The following COL25A1 variants were observed in gnomAD, a reference collection of about 807,000 sequenced individuals.
COL25A1 encodes collagen type XXV alpha 1 chain, also known as collagen alpha-1(XXV) chain.
COL25A1 carries 103 observed loss-of-function variants against 128.4 expected under a neutral mutation model. The observed-to-expected ratio is 0.80, with a 90% CI of 0.68 to 0.94. The LOEUF is 0.94. Among genes scored for constraint, COL25A1 ranks in the 40% least tolerant of loss-of-function variants. COL25A1 has a pLI of 0.00. For synonymous variants in COL25A1, 279 were observed against 277.2 expected (o/e 1.01, Z -0.06); for missense variants, 745 against 840.0 (o/e 0.89, Z 1.40).
intron 3 of COL25A1, among the ~76,000 whole-genome samples, chr4:109,198,297 C>T (rs1776283782): frequency 7.2e-6 from 1 of 138,290 alleles, no homozygotes; most frequent in South Asian, 2.2e-4. Flanking sequence ...TATTCATTCA[C>T]ACACACACAC....
intron 3 of COL25A1, among the ~76,000 whole-genome samples, chr4:109,090,529 A>G (rs1263068841): frequency 1.3e-5 from 2 of 152,244 alleles, no homozygotes; most frequent in African/African-American, 4.8e-5. Context: ...TTTAGAACTT[A>G]CAGCAACTAG....
chr4:109,099,407 A>G (rs1222730582), intron 3 of COL25A1, among the ~76,000 whole-genome samples: 4 of 152,192 alleles, frequency 2.6e-5, no homozygotes, highest in African/African-American at 9.7e-5. Context: ...CTTTTCTGAT[A>G]TAAAAGAAAA....
chr4:109,004,446 A>C (rs1259250987), intron 6 of COL25A1, among the ~76,000 whole-genome samples: 1 of 151,878 alleles, frequency 6.6e-6, no homozygotes. Context: ...GCACTGTATA[A>C]TATAAATACT....
chr4:109,193,815 T>C (rs944931504), intron 3 of COL25A1, among the ~76,000 whole-genome samples: 3 of 152,024 alleles, frequency 2.0e-5, no homozygotes, highest in African/African-American at 4.8e-5. Flanking sequence ...TTCTACCAGG[T>C]TCTTACTCAG....
At chr4:108,834,957 G>A (rs1733610528) in intron 31 of COL25A1, among the ~76,000 whole-genome samples, 1 of 152,062 alleles carries the variant, frequency 6.6e-6, no homozygotes, top group South Asian at 2.1e-4. Flanking sequence ...TTGTTTTCTG[G>A]GTTGTTCCTA....
At chr4:108,859,510 G>A in intron 24 of COL25A1, 146 bp downstream of exon 24, 2 of 548,874 alleles carry the variant, frequency 3.6e-6, no homozygotes, top group South Asian at 3.0e-5. Flanking sequence ...AGAAGGGGAT[G>A]AGTTCTTGAG....
chr4:109,037,500 G>C (rs1759461387), intron 5 of COL25A1, among the ~76,000 whole-genome samples: 1 of 152,186 alleles, frequency 6.6e-6, no homozygotes, highest in African/African-American at 2.4e-5. Context: ...CAGCCCCTCT[G>C]CTGGGCAGCA....
intron 10 of COL25A1, among the ~76,000 whole-genome samples, chr4:108,939,089 TTC>T (rs1747780142): frequency 6.6e-6 from 1 of 152,240 alleles, no homozygotes; most frequent in African/African-American, 2.4e-5. Context: ...AAAAAGTAAT[TTC>T]TATCTTGAAT....
intron 5 of COL25A1, among the ~76,000 whole-genome samples, chr4:109,032,137 G>A (rs1303868654): frequency 2.0e-5 from 3 of 152,052 alleles, no homozygotes; most frequent in Non-Finnish European, 2.9e-5. Context: ...TGTGGAAACC[G>A]AGACCAGGAA....
At chr4:109,046,493 C>G (rs1760444917) in intron 5 of COL25A1, among the ~76,000 whole-genome samples, 2 of 152,190 alleles carry the variant, frequency 1.3e-5, no homozygotes. Context: ...CTTGAACACT[C>G]TACTCCAGCC....
chr4:109,144,847 T>G (rs1459198212), intron 3 of COL25A1, among the ~76,000 whole-genome samples: 1 of 152,154 alleles, frequency 6.6e-6, no homozygotes, highest in Admixed American at 6.5e-5. Context: ...TGTGAGACAT[T>G]TATTTGTAAA....
intron 3 of COL25A1, among the ~76,000 whole-genome samples, chr4:109,241,722 C>T (rs1477724934): frequency 6.6e-6 from 1 of 151,814 alleles, no homozygotes; most frequent in Non-Finnish European, 1.5e-5. Flanking sequence ...CCTTTTTGAG[C>T]TTACAGATGG....
rs55859792 is a variant in COL25A1, at chr4:108,889,041, C to T, written c.975+180G>A. On this transcript the variant is annotated intron_variant, in intron 18 of 37. Coordinates refer to ENST00000399132, the MANE Select transcript of COL25A1 (RefSeq NM_198721.4). ...CTTTTACATATATAAAGTTTGTTTG[C>T]ACATTGTGCTATGGTCATCATCAAG... 2.4e-3 allele frequency among the ~76,000 whole-genome samples: 370 copies of T among 152,274 alleles called. 1 individual carries two copies. Among genetic ancestry groups the T allele is most frequent in the Non-Finnish European group, 3.7e-3 (253 of 68,018 alleles).
chr4:109,236,333 T>G (rs547360494), intron 3 of COL25A1, among the ~76,000 whole-genome samples: 1 of 152,224 alleles, frequency 6.6e-6, no homozygotes, highest in Non-Finnish European at 1.5e-5. Flanking sequence ...AAACCAAGAT[T>G]TGTTTCCTCT....
At chr4:108,911,801 TG>T (rs1744254283) in intron 13 of COL25A1, among the ~76,000 whole-genome samples, 1 of 140,686 alleles carries the variant, frequency 7.1e-6, no homozygotes, top group Admixed American at 7.1e-5. Context: ...TTTGCTTCGC[TG>T]TTTTTTTTTT....
In COL25A1 at chr4:109,098,345, A is replaced by G. The variant is rs553537978; in HGVS notation, c.368-48166T>C. Reference sequence around the variant, plus strand: ...TTAGAGGTGTTCTGAAATATAGGAAACTGGGAACCCAAGAATCCTCACCTC... The same window carrying G: ...TTAGAGGTGTTCTGAAATATAGGAAGCTGGGAACCCAAGAATCCTCACCTC... On this transcript the variant is annotated intron_variant, in intron 3 of 37. Coordinates refer to ENST00000399132, the MANE Select transcript of COL25A1 (RefSeq NM_198721.4). 2.6e-5 allele frequency among the ~76,000 whole-genome samples: 4 copies of G among 152,268 alleles called. No homozygotes were observed. The East Asian group carries it at 5.8e-4, about 22-fold the overall frequency.
intron 22 of COL25A1, among the ~76,000 whole-genome samples, chr4:108,862,006 C>G (rs1003023537): frequency 6.6e-6 from 1 of 152,178 alleles, no homozygotes; most frequent in Non-Finnish European, 1.5e-5. Flanking sequence ...TAGTAGCTAA[C>G]AGCATTTTAA....
chr4:108,982,278 G>A (rs59777149), intron 6 of COL25A1, among the ~76,000 whole-genome samples: 1,746 of 152,242 alleles, frequency 0.011, 41 homozygotes, highest in African/African-American at 0.04. Flanking sequence ...AAATGTCCTG[G>A]GGGGACGGTG....
At chr4:109,245,141 G>C (rs888240236) in intron 3 of COL25A1, among the ~76,000 whole-genome samples, 2 of 152,116 alleles carry the variant, frequency 1.3e-5, no homozygotes, top group African/African-American at 4.8e-5. Context: ...TACCTTGAGA[G>C]TAAAGGAGGC....
Sources: gnomAD v4.1 joint callset for allele counts (sites outside exome capture counted in the v4.1 genomes callset) on GRCh38, gnomAD v4.1.1 for gene constraint, MANE v1.5 for transcripts, NCBI Gene and HGNC (gene_info 2026-07-23, HGNC 2026-07-21) for gene names.